Variants in KLRG1 observed in about 807,000 individuals in gnomAD.
KLRG1 encodes killer cell lectin like receptor G1.
A neutral mutation model predicts 21.8 loss-of-function variants in KLRG1; 16 were observed. That is an observed-to-expected ratio of 0.73 (90% CI 0.50 to 1.11). The LOEUF (loss-of-function observed/expected upper bound fraction) is 1.11. KLRG1 is among the 50% of genes most tolerant of loss of function. KLRG1 has a pLI of 0.00. For synonymous variants in KLRG1, 69 were observed against 75.9 expected (o/e 0.91, Z 0.47); for missense variants, 173 against 218.3 (o/e 0.79, Z 1.31).
At chr12:9,015,441 A>G (rs776539949), downstream of KLRG1, among the ~76,000 whole-genome samples, 5 of 152,352 alleles carry the variant, frequency 3.3e-5, no homozygotes, top group Admixed American at 6.5e-5. Flanking sequence ...AAAGATGTCA[A>G]TTCAGCAAGA....
the KLRG1 span, among the ~76,000 whole-genome samples, chr12:9,119,590 G>A: frequency 6.6e-6 from 1 of 152,184 alleles, no homozygotes; most frequent in South Asian, 2.1e-4. Flanking sequence ...ATGCCAGGGT[G>A]AAAGGAATAT....
At chr12:9,194,625 C>A in the KLRG1 span, among the ~76,000 whole-genome samples, 2 of 152,064 alleles carry the variant, frequency 1.3e-5, no homozygotes, top group African/African-American at 2.4e-5. Flanking sequence ...CCACCCCGCC[C>A]AGCTAATTTT....
At chr12:9,030,684 G>T in the KLRG1 span, among the ~76,000 whole-genome samples, 1 of 152,184 alleles carries the variant, frequency 6.6e-6, no homozygotes, top group East Asian at 1.9e-4. Context: ...GGGATTACAG[G>T]CGTGAGCCAC....
chr12:9,181,048 C>T, the KLRG1 span: 21 of 1,614,060 alleles, frequency 1.3e-5, no homozygotes, highest in African/African-American at 1.2e-4. Context: ...GCACGAAGGG[C>T]ACAGAGGGAC....
chr12:9,053,352 A>G, the KLRG1 span, among the ~76,000 whole-genome samples: 1 of 152,198 alleles, frequency 6.6e-6, no homozygotes, highest in East Asian at 1.9e-4. Flanking sequence ...TGTGAAATTA[A>G]TGGCTAAGAA....
At chr12:9,091,192 G>T in the KLRG1 span, 19 of 1,585,692 alleles carry the variant, frequency 1.2e-5, no homozygotes, top group Non-Finnish European at 1.5e-5. Context: ...TTAGGAAAGA[G>T]ATCCTTACCC....
At chr12:8,959,943 T>G (rs764427993) in intron 1 of KLRG1, among the ~76,000 whole-genome samples, 1 of 152,238 alleles carries the variant, frequency 6.6e-6, no homozygotes, top group Non-Finnish European at 1.5e-5. Flanking sequence ...GGATTTTATA[T>G]TTAGACAATG....
At chr12:9,031,431 C>T in the KLRG1 span, among the ~76,000 whole-genome samples, 7 of 152,082 alleles carry the variant, frequency 4.6e-5, no homozygotes, top group African/African-American at 7.2e-5. Context: ...CCCGTTCCAC[C>T]GGGGGAGAAG....
the KLRG1 span, among the ~76,000 whole-genome samples, chr12:9,051,134 G>A: frequency 6.6e-6 from 1 of 152,198 alleles, no homozygotes; most frequent in Non-Finnish European, 1.5e-5. Context: ...CCTCCCCTCC[G>A]AGGTCCATAA....
At chr12:9,135,427 G>T in the KLRG1 span, 2 of 354,314 alleles carry the variant, frequency 5.6e-6, no homozygotes, top group Middle Eastern at 6.3e-4. Context: ...TGCAGAATTG[G>T]AGAAGATGGC....
At chr12:9,212,750 CA>C in the KLRG1 span, among the ~76,000 whole-genome samples, 2 of 151,250 alleles carry the variant, frequency 1.3e-5, no homozygotes, top group African/African-American at 4.9e-5. Context: ...AAAAAAAAAC[CA>C]GTAAATTTTT....
At chr12:9,087,803 A>C in the KLRG1 span, among the ~76,000 whole-genome samples, 2 of 152,106 alleles carry the variant, frequency 1.3e-5, no homozygotes, top group East Asian at 3.8e-4. Context: ...CAACAACAAC[A>C]ACCAACCAAA....
downstream of KLRG1, among the ~76,000 whole-genome samples, chr12:9,011,813 G>C (rs539750447): frequency 1.6e-4 from 25 of 152,168 alleles, no homozygotes; most frequent in Admixed American, 2.6e-4. Flanking sequence ...TGTGCTTTGG[G>C]GAGGAAGAGT....
intron 2 of KLRG1, among the ~76,000 whole-genome samples, chr12:8,994,296 C>T (rs1356680558): frequency 6.6e-6 from 1 of 152,014 alleles, no homozygotes. Flanking sequence ...GAACTCCTGG[C>T]CTCATGTGAG....
chr12:9,206,662 A>T, the KLRG1 span, among the ~76,000 whole-genome samples: 1 of 152,174 alleles, frequency 6.6e-6, no homozygotes, highest in Non-Finnish European at 1.5e-5. Context: ...GTAGTCTCTC[A>T]CATTTATCAC....
the KLRG1 span, among the ~76,000 whole-genome samples, chr12:9,195,078 C>A: frequency 6.6e-6 from 1 of 151,664 alleles, no homozygotes; most frequent in South Asian, 2.1e-4. Flanking sequence ...TTAAAAATAG[C>A]CAGAAGAGAA....
At chr12:9,035,447 G>T in the KLRG1 span, among the ~76,000 whole-genome samples, 2 of 151,974 alleles carry the variant, frequency 1.3e-5, no homozygotes, top group South Asian at 2.1e-4. Flanking sequence ...GGGCCTGTCA[G>T]GGGGTAGGGA....
intron 1 of KLRG1, among the ~76,000 whole-genome samples, chr12:8,976,561 T>A (rs1946660491): frequency 6.6e-6 from 1 of 152,236 alleles, no homozygotes. Context: ...GTGGGGGTAG[T>A]GAGGTCTACT....
At chr12:9,200,306 A>G in the KLRG1 span, 3 of 1,225,164 alleles carry the variant, frequency 2.4e-6, no homozygotes, top group South Asian at 4.1e-5. Flanking sequence ...TTGTACCTAC[A>G]TAATCCCTCA....
Sources: allele counts gnomAD v4.1 joint callset (sites outside exome capture counted in the v4.1 genomes callset), GRCh38; gene constraint gnomAD v4.1.1; transcripts MANE v1.5; gene names NCBI Gene and HGNC (gene_info 2026-07-23, HGNC 2026-07-21).